SNTB1: variants seen among roughly 807,000 people sequenced by gnomAD.
SNTB1 encodes the protein beta-1-syntrophin.
SNTB1 carries 36 observed loss-of-function variants against 48.9 expected under a neutral mutation model. The observed-to-expected ratio is 0.74, with a 90% CI of 0.56 to 0.97. SNTB1 has a LOEUF of 0.97. Ranked by LOEUF, SNTB1 falls within the 50% of genes least tolerant of loss-of-function variation. SNTB1 has a pLI of 0.00. For synonymous variants in SNTB1, 299 were observed against 294.6 expected (o/e 1.01, Z -0.15); for missense variants, 786 against 703.4 (o/e 1.12, Z -1.33).
intron 5 of SNTB1, among the ~76,000 whole-genome samples, chr8:120,545,280 G>C (rs1444164129): frequency 6.6e-6 from 1 of 152,132 alleles, no homozygotes; most frequent in East Asian, 1.9e-4. Context: ...GGAGGCGGAG[G>C]TTGCAGGGAG....
intron 4 of SNTB1, among the ~76,000 whole-genome samples, chr8:120,554,439 C>A (rs1815531867): frequency 1.3e-5 from 2 of 152,122 alleles, no homozygotes; most frequent in South Asian, 4.2e-4. Context: ...GGACAATGAG[C>A]GCTGACTGAA....
chr8:120,628,303 T>G (rs1474920712), intron 3 of SNTB1, among the ~76,000 whole-genome samples: 1 of 152,236 alleles, frequency 6.6e-6, no homozygotes, highest in African/African-American at 2.4e-5. Flanking sequence ...TTAGCTTGTT[T>G]TTCTCTTATC....
intron 1 of SNTB1, among the ~76,000 whole-genome samples, chr8:120,782,604 A>G (rs968950291): frequency 2.7e-5 from 4 of 150,504 alleles, no homozygotes; most frequent in Non-Finnish European, 4.4e-5. Flanking sequence ...ATACATACCT[A>G]CACACACACA....
At chr8:120,607,491 G>A (rs998606414) in intron 3 of SNTB1, among the ~76,000 whole-genome samples, 4 of 151,546 alleles carry the variant, frequency 2.6e-5, no homozygotes, top group Non-Finnish European at 5.9e-5. Flanking sequence ...GTGCCATGTT[G>A]GTGTGCTGCA....
chr8:120,638,376 A>T (rs1587052466), intron 2 of SNTB1, among the ~76,000 whole-genome samples: 1 of 152,136 alleles, frequency 6.6e-6, no homozygotes, highest in East Asian at 1.9e-4. Flanking sequence ...ACTATGCTAC[A>T]GAAAGAGGAA....
Position 120,536,848 on chromosome 8 carries a change from G to A in SNTB1, c.*2029C>T, listed in dbSNP as rs983195061. 9.9e-5 allele frequency: 15 copies of A among 151,844 alleles called. No homozygotes were observed. The highest frequency in any genetic ancestry group is 3.6e-4 in the African/African-American group (15 of 41,370). The allele number at this position is 151,844 out of a possible 1,614,324, so 9.4% of individuals were successfully genotyped here. ...AATAGAATCTTGGCAACTTAATTAT[G>A]AGCAGTTAACTCATACTTCATGTAG... On this transcript the variant is annotated 3_prime_UTR_variant, in exon 7 of 7. Coordinates refer to ENST00000517992, the MANE Select transcript of SNTB1 (RefSeq NM_021021.4).
chr8:120,807,903 A>G (rs560078593), intron 1 of SNTB1, among the ~76,000 whole-genome samples: 1 of 152,130 alleles, frequency 6.6e-6, no homozygotes, highest in African/African-American at 2.4e-5. Context: ...CATTATTTAT[A>G]TTTATATTTT....
chr8:120,733,029 G>A (rs1357164775), intron 1 of SNTB1, among the ~76,000 whole-genome samples: 1 of 152,216 alleles, frequency 6.6e-6, no homozygotes, highest in African/African-American at 2.4e-5. Context: ...TATCCAGAAT[G>A]CTAGTCCATG....
intron 4 of SNTB1, among the ~76,000 whole-genome samples, chr8:120,565,377 T>C (rs934517254): frequency 1.3e-4 from 20 of 152,192 alleles, no homozygotes; most frequent in Admixed American, 5.9e-4. Context: ...TGGGCACATA[T>C]TACTGATGAA....
At chr8:120,699,403 A>T (rs554358123) in intron 1 of SNTB1, among the ~76,000 whole-genome samples, 1 of 152,254 alleles carries the variant, frequency 6.6e-6, no homozygotes, top group South Asian at 2.1e-4. Flanking sequence ...GTAATGAGTG[A>T]GTTCTCACCC....
intron 5 of SNTB1, among the ~76,000 whole-genome samples, chr8:120,545,912 G>C (rs1815373087): frequency 2.0e-5 from 3 of 152,152 alleles, no homozygotes; most frequent in Admixed American, 2.0e-4. Context: ...TAGGTACTAG[G>C]TACTGTTATT....
intron 3 of SNTB1, among the ~76,000 whole-genome samples, chr8:120,591,297 T>G (rs1816236873): frequency 1.3e-5 from 2 of 152,212 alleles, no homozygotes; most frequent in Admixed American, 6.5e-5. Context: ...GTGTTCCTCA[T>G]TTACCAAGCT....
At chr8:120,711,435 T>C (rs1035277078) in intron 1 of SNTB1, among the ~76,000 whole-genome samples, 1 of 152,194 alleles carries the variant, frequency 6.6e-6, no homozygotes, top group African/African-American at 2.4e-5. Flanking sequence ...GTTAGCTAAA[T>C]GGGAAATCCT....
chr8:120,708,760 T>C (rs1818416873), intron 1 of SNTB1, among the ~76,000 whole-genome samples: 1 of 152,158 alleles, frequency 6.6e-6, no homozygotes, highest in African/African-American at 2.4e-5. Context: ...TAAACTTTAA[T>C]AGACAGTTAT....
chr8:120,664,389 T>C (rs1817640769), intron 2 of SNTB1, among the ~76,000 whole-genome samples: 1 of 152,220 alleles, frequency 6.6e-6, no homozygotes, highest in South Asian at 2.1e-4. Context: ...TGAGGCATAA[T>C]TGATATGCAA....
chr8:120,613,351 C>CA (rs35342244), intron 3 of SNTB1, among the ~76,000 whole-genome samples: 121,246 of 146,706 alleles, frequency 0.83, 50,668 homozygotes, highest in Middle Eastern at 0.91. Flanking sequence ...AGCTCCATCT[C>CA]AAAAAAAAAA....
At chr8:120,792,416 T>G (rs1820052278) in intron 1 of SNTB1, among the ~76,000 whole-genome samples, 1 of 151,928 alleles carries the variant, frequency 6.6e-6, no homozygotes, top group Non-Finnish European at 1.5e-5. Context: ...AGTTGTGTGA[T>G]GGGTGCACTA....
chr8:120,656,903 G>A (rs1482335295), intron 2 of SNTB1, among the ~76,000 whole-genome samples: 1 of 152,206 alleles, frequency 6.6e-6, no homozygotes, highest in Admixed American at 6.5e-5. Context: ...CTGACAGGAT[G>A]TTATGATAGA....
chr8:120,782,003 T>C (rs528362691), intron 1 of SNTB1, among the ~76,000 whole-genome samples: 92 of 152,352 alleles, frequency 6.0e-4, no homozygotes, highest in Non-Finnish European at 1.0e-3. Context: ...TGTCTCATTA[T>C]TCTGGAGACA....
Sources: allele counts gnomAD v4.1 joint callset (sites outside exome capture counted in the v4.1 genomes callset), GRCh38; gene constraint gnomAD v4.1.1; transcripts MANE v1.5; gene names NCBI Gene and HGNC (gene_info 2026-07-23, HGNC 2026-07-21).